TBC1D4: variants seen among roughly 807,000 people sequenced by gnomAD.
TBC1D4 encodes TBC1 domain family member 4.
A neutral mutation model predicts 142.5 loss-of-function variants in TBC1D4; 121 were observed. That is an observed-to-expected ratio of 0.85 (90% CI 0.73 to 0.99). TBC1D4 has a LOEUF of 0.99. Among genes scored for constraint, TBC1D4 ranks in the 50% least tolerant of loss-of-function variants. TBC1D4 has a pLI of 0.00. For synonymous variants in TBC1D4, 630 were observed against 628.2 expected (o/e 1.00, Z -0.04); for missense variants, 1,475 against 1,606.6 (o/e 0.92, Z 1.40).
chr13:75,303,536 C>A (rs1028277159), intron 15 of TBC1D4, among the ~76,000 whole-genome samples: 1 of 152,182 alleles, frequency 6.6e-6, no homozygotes, highest in Non-Finnish European at 1.5e-5. Flanking sequence ...GGACAGAATT[C>A]AATTCTGCAC....
At chr13:75,346,684 A>T (rs901147112) in intron 5 of TBC1D4, among the ~76,000 whole-genome samples, 1 of 152,188 alleles carries the variant, frequency 6.6e-6, no homozygotes, top group African/African-American at 2.4e-5. Context: ...TGCTGGATCA[A>T]ATGGTATTTC....
rs1485150219 is a variant in TBC1D4, at chr13:75,314,763, T to C, written c.2223-1865A>G. Among the ~76,000 whole-genome samples the C allele has an allele frequency of 8.1e-5, 12 of 148,298 alleles. No individual in the cohort carries two copies. In the East Asian group the frequency reaches 2.4e-3, roughly 30 times the overall value. On this transcript the variant is annotated intron_variant, in intron 12 of 20. Coordinates refer to ENST00000377636, the MANE Select transcript of TBC1D4 (RefSeq NM_014832.5). Reference sequence around the variant, plus strand: ...AGGCGGATCACCTGAGGTCAGGAGTTCAAGAGTAGCATGGCCAACATGGTG... The same window carrying C: ...AGGCGGATCACCTGAGGTCAGGAGTCCAAGAGTAGCATGGCCAACATGGTG...
At chr13:75,373,865 C>G (rs1295995080) in intron 1 of TBC1D4, among the ~76,000 whole-genome samples, 2 of 152,158 alleles carry the variant, frequency 1.3e-5, no homozygotes, top group African/African-American at 4.8e-5. Flanking sequence ...CTTCCCTCCC[C>G]TTCTCTTGCA....
At chr13:75,327,689 A>C in intron 9 of TBC1D4, 63 bp downstream of exon 9, 3 of 1,466,054 alleles carry the variant, frequency 2.0e-6, no homozygotes, top group Non-Finnish European at 2.9e-6. Flanking sequence ...GAGCATGCAT[A>C]TTACCATATC....
intron 8 of TBC1D4, among the ~76,000 whole-genome samples, chr13:75,330,544 T>C (rs748027885): frequency 4.6e-5 from 7 of 152,218 alleles, no homozygotes; most frequent in Admixed American, 1.3e-4. Flanking sequence ...TTCACAGATA[T>C]AGAGACTGAA....
chr13:75,340,177 T>C (rs1201171967), intron 7 of TBC1D4, among the ~76,000 whole-genome samples: 1 of 152,234 alleles, frequency 6.6e-6, no homozygotes, highest in Non-Finnish European at 1.5e-5. Flanking sequence ...GTTTAACTCA[T>C]AGAAGGTTCT....
At chr13:75,306,822 CAA>C (rs1877236651) in intron 14 of TBC1D4, among the ~76,000 whole-genome samples, 1 of 152,142 alleles carries the variant, frequency 6.6e-6, no homozygotes, top group Admixed American at 6.5e-5. Flanking sequence ...CATGAGAAGA[CAA>C]AGACTCATGC....
chr13:75,381,951 G>A (rs986554787), intron 1 of TBC1D4, among the ~76,000 whole-genome samples: 9 of 152,182 alleles, frequency 5.9e-5, no homozygotes, highest in Admixed American at 2.0e-4. Context: ...CAATATACTA[G>A]AGACACAACA....
In TBC1D4 at chr13:75,404,498, G is replaced by A. The variant is rs372416407; in HGVS notation, c.499-41891C>T. Among the ~76,000 whole-genome samples the A allele has an allele frequency of 2.4e-3, 367 of 152,204 alleles. 3 individuals are homozygous for A. Among genetic ancestry groups the A allele is most frequent in the African/African-American group, 8.4e-3 (347 of 41,538 alleles). On this transcript the variant is annotated intron_variant, in intron 1 of 20. Transcript: ENST00000377636. The stretch of plus-strand genomic sequence containing the variant: ...TTTTTAATGACTGTGACAGTTTTGA[G>A]GGGTTCTCAAGAGGCATTTTTTTTA...
At chr13:75,442,482 A>G (rs1419476179) in intron 1 of TBC1D4, among the ~76,000 whole-genome samples, 2 of 152,202 alleles carry the variant, frequency 1.3e-5, no homozygotes, top group African/African-American at 4.8e-5. Flanking sequence ...CATATAGTCT[A>G]AAACTAACAT....
At chr13:75,345,543 G>A (rs1269946810) in intron 5 of TBC1D4, among the ~76,000 whole-genome samples, 1 of 151,970 alleles carries the variant, frequency 6.6e-6, no homozygotes, top group Non-Finnish European at 1.5e-5. Context: ...TTTTGGGAAG[G>A]GCCCTAACAA....
At chr13:75,387,725 CTA>C (rs1178840934) in intron 1 of TBC1D4, among the ~76,000 whole-genome samples, 1 of 152,182 alleles carries the variant, frequency 6.6e-6, no homozygotes, top group Non-Finnish European at 1.5e-5. Context: ...ATTTTCAAGA[CTA>C]TGTCTGCCTA....
At chr13:75,406,915 T>A (rs532514271) in intron 1 of TBC1D4, among the ~76,000 whole-genome samples, 3 of 152,308 alleles carry the variant, frequency 2.0e-5, no homozygotes, top group Admixed American at 2.0e-4. Flanking sequence ...CTCATTCAGA[T>A]GCATGTAGGA....
rs1329129346 is a variant in TBC1D4, at chr13:75,362,982, T to C, written c.499-375A>G. Among the ~76,000 whole-genome samples, 1 of 152,174 alleles carries C rather than the reference T, an allele frequency of 6.6e-6. No homozygotes were observed. The highest frequency in any genetic ancestry group is 2.4e-5 in the African/African-American group (1 of 41,458). On this transcript the variant is annotated intron_variant, in intron 1 of 20. Coordinates refer to ENST00000377636, the MANE Select transcript of TBC1D4 (RefSeq NM_014832.5). This position sits in a 1 kb window ranked among gnomAD's most constrained non-coding sequence, Gnocchi z 4.2. ...CAAAGTTCCAACCATGAGGACAAAA[T>C]AACCTTTTTTGATGAGGAGATTAAA...
At chr13:75,441,592 A>G (rs1289888749) in intron 1 of TBC1D4, among the ~76,000 whole-genome samples, 2 of 152,182 alleles carry the variant, frequency 1.3e-5, no homozygotes, top group African/African-American at 2.4e-5. Flanking sequence ...TAAAAATATG[A>G]TTTTTTATCT....
chr13:75,425,082 T>C (rs1410898043), intron 1 of TBC1D4, among the ~76,000 whole-genome samples: 2 of 151,952 alleles, frequency 1.3e-5, no homozygotes, highest in African/African-American at 4.8e-5. Flanking sequence ...AGAAAATATA[T>C]GTATGCAAAC....
intron 1 of TBC1D4, among the ~76,000 whole-genome samples, chr13:75,443,919 A>G (rs1887158040): frequency 1.3e-5 from 2 of 152,170 alleles, no homozygotes; most frequent in African/African-American, 4.8e-5. Context: ...CAACAGGATA[A>G]CTTTCATAGT....
At chr13:75,398,795 C>G (rs879695837) in intron 1 of TBC1D4, among the ~76,000 whole-genome samples, 5 of 152,160 alleles carry the variant, frequency 3.3e-5, no homozygotes, top group Admixed American at 2.0e-4. Context: ...TGGTTAGTAT[C>G]AAGAAAGTAA....
rs148961028 is a variant in TBC1D4, at chr13:75,283,828, A to G, written c.*2964T>C. 6.6e-4 allele frequency among the ~76,000 whole-genome samples: 101 copies of G among 152,346 alleles called. 1 individual carries two copies. Among genetic ancestry groups the G allele is most frequent in the Middle Eastern group, 3.4e-3 (1 of 294 alleles). On this transcript the variant is annotated 3_prime_UTR_variant, in exon 21 of 21. Coordinates refer to ENST00000377636, the MANE Select transcript of TBC1D4 (RefSeq NM_014832.5). Reference sequence around the variant, plus strand: ...ATTATCTTTGTTGTCTGACTCTATTAGGAAGAATTATTTGTGTAGCAATTT... The same window carrying G: ...ATTATCTTTGTTGTCTGACTCTATTGGGAAGAATTATTTGTGTAGCAATTT...
Sources: allele counts gnomAD v4.1 joint callset (sites outside exome capture counted in the v4.1 genomes callset), GRCh38; gene constraint gnomAD v4.1.1; non-coding constraint Gnocchi (gnomAD v3.1); transcripts MANE v1.5; gene names NCBI Gene and HGNC (gene_info 2026-07-23, HGNC 2026-07-21).